FRMD4A: variants seen among roughly 807,000 people sequenced by gnomAD.
The protein encoded by FRMD4A is FERM domain-containing protein 4A.
In FRMD4A, 29 loss-of-function variants were observed where a neutral mutation model predicts 129.1. That is an observed-to-expected ratio of 0.22 (90% CI 0.17 to 0.31). FRMD4A has a LOEUF of 0.31. FRMD4A is among the 10% of genes least tolerant of loss of function. FRMD4A has a pLI of 1.00. For synonymous variants in FRMD4A, 634 were observed against 571.6 expected (o/e 1.11, Z -1.56); for missense variants, 1,272 against 1,375.8 (o/e 0.92, Z 1.19).
chr10:14,193,228 T>C (rs755464739), intron 2 of FRMD4A, among the ~76,000 whole-genome samples: 1 of 152,224 alleles, frequency 6.6e-6, no homozygotes, highest in Non-Finnish European at 1.5e-5. Context: ...TTCTCCCTGA[T>C]AGGTTGCCTC....
intron 2 of FRMD4A, among the ~76,000 whole-genome samples, chr10:13,958,793 C>T (rs760918763): frequency 3.3e-5 from 5 of 151,844 alleles, no homozygotes; most frequent in South Asian, 2.1e-4. Flanking sequence ...CCATGTTGGT[C>T]AGGCTGGTCT....
At chr10:14,176,816 C>G (rs1841746297) in intron 2 of FRMD4A, among the ~76,000 whole-genome samples, 1 of 152,110 alleles carries the variant, frequency 6.6e-6, no homozygotes, top group African/African-American at 2.4e-5. Context: ...TCCCCAGACC[C>G]TTCCTCTATC....
intron 14 of FRMD4A, among the ~76,000 whole-genome samples, chr10:13,700,638 G>A (rs559040275): frequency 2.1e-3 from 321 of 152,210 alleles, no homozygotes; most frequent in Non-Finnish European, 3.9e-3. Context: ...GGGAGACAGG[G>A]CTGGAGGAAG....
chr10:14,257,737 C>T (rs1844666078), intron 2 of FRMD4A, among the ~76,000 whole-genome samples: 1 of 152,124 alleles, frequency 6.6e-6, no homozygotes, highest in South Asian at 2.1e-4. Flanking sequence ...TGCCTGCAAG[C>T]CAAAGCACTG....
chr10:13,654,311 A>G, intron 23 of FRMD4A, 105 bp downstream of exon 23: 1 of 814,590 alleles, frequency 1.2e-6, no homozygotes, highest in Non-Finnish European at 2.2e-6. Flanking sequence ...CCCAGTGATG[A>G]ACCCTCATCA....
intron 16 of FRMD4A, among the ~76,000 whole-genome samples, chr10:13,671,674 G>A (rs1183279604): frequency 6.6e-6 from 1 of 152,202 alleles, no homozygotes; most frequent in African/African-American, 2.4e-5. Flanking sequence ...CTCTCTGTGA[G>A]TGAGTTGTAT....
At chr10:13,710,157 G>A (rs150547088) in intron 12 of FRMD4A, among the ~76,000 whole-genome samples, 1 of 152,242 alleles carries the variant, frequency 6.6e-6, no homozygotes, top group East Asian at 1.9e-4. Context: ...GGCCTGGGAG[G>A]TGGAACCCTC....
chr10:14,152,363 C>T (rs1157097220), intron 2 of FRMD4A, among the ~76,000 whole-genome samples: 5 of 152,034 alleles, frequency 3.3e-5, no homozygotes, highest in Middle Eastern at 3.4e-3. Context: ...CTCCCGACAA[C>T]GTAATCCGCC....
chr10:13,931,955 C>A (rs561392556), intron 2 of FRMD4A, among the ~76,000 whole-genome samples: 4 of 150,302 alleles, frequency 2.7e-5, no homozygotes, highest in Admixed American at 2.6e-4. Flanking sequence ...TCTCAAAAAC[C>A]AACCAACCAA....
At chr10:13,878,413 T>C (rs1429807622) in intron 2 of FRMD4A, among the ~76,000 whole-genome samples, 1 of 152,110 alleles carries the variant, frequency 6.6e-6, no homozygotes, top group South Asian at 2.1e-4. Flanking sequence ...ACCAAACCCT[T>C]TGATAACCAA....
chr10:13,796,656 A>G lies in FRMD4A; in HGVS notation c.207-68T>C, dbSNP rs1202869978. The G allele has an allele frequency of 8.7e-6, 7 of 805,884 alleles. No individual in the cohort carries two copies. The Admixed American group carries it at 8.9e-5, about 10-fold the overall frequency. The allele number at this position is 805,884 out of a possible 1,614,324, so 49.9% of individuals were successfully genotyped here. A position where few individuals can be genotyped will look rare whatever the true frequency, so the allele number is the denominator to read the frequency against. Reference sequence around the variant, plus strand: ...CAGAAGTTTTTTTGGGGTTGAAGGTATATATGAAGCAGAACGTGCTGGATC... The same window carrying G: ...CAGAAGTTTTTTTGGGGTTGAAGGTGTATATGAAGCAGAACGTGCTGGATC... On this transcript the variant is annotated intron_variant, in intron 4 of 24. Transcript: ENST00000357447.
chr10:14,120,433 T>G (rs750470710), intron 2 of FRMD4A, among the ~76,000 whole-genome samples: 65 of 152,168 alleles, frequency 4.3e-4, no homozygotes, highest in Non-Finnish European at 6.9e-4. Flanking sequence ...CCAAGCTTCT[T>G]GGTATTTTAA....
At chr10:14,088,796 A>T (rs1221147705) in intron 2 of FRMD4A, among the ~76,000 whole-genome samples, 2 of 151,410 alleles carry the variant, frequency 1.3e-5, no homozygotes, top group African/African-American at 4.9e-5. Context: ...AAAAAAAAAA[A>T]AAAAAAAAAG....
chr10:14,186,968 A>AC (rs902470695), intron 2 of FRMD4A, among the ~76,000 whole-genome samples: 11 of 151,658 alleles, frequency 7.3e-5, no homozygotes, highest in African/African-American at 2.7e-4. Context: ...AAAAAAAAAA[A>AC]AACATAATTA....
rs188425906 is a variant in FRMD4A at position 13,890,697 on chromosome 10, A to G, written c.46-31785T>C. 1.0e-5 allele frequency: 10 copies of G among 985,114 alleles called. No homozygotes were observed. The African/African-American group carries it at 1.4e-4, about 14-fold the overall frequency. 61.0% of individuals were successfully genotyped at this position (985,114 alleles called of 1,614,324 possible). On this transcript the variant is annotated intron_variant, in intron 2 of 24. Coordinates refer to ENST00000357447, the MANE Select transcript of FRMD4A (RefSeq NM_018027.5). ...AGCAGCGTCTCCACTGGGATGCTCC[A>G]TTCATAGGGGAGCCAGAGCCGCATC... is the stretch of plus-strand genomic sequence containing the variant.
At chr10:13,687,993 G>A (rs188385218) in intron 15 of FRMD4A, among the ~76,000 whole-genome samples, 111 of 152,196 alleles carry the variant, frequency 7.3e-4, no homozygotes, top group South Asian at 1.0e-3. Flanking sequence ...ACAGCTCTGC[G>A]TATCACTACT....
intron 9 of FRMD4A, chr10:13,744,759 G>A (rs982493520): frequency 7.9e-5 from 12 of 152,166 alleles, no homozygotes; most frequent in Non-Finnish European, 1.6e-4. Flanking sequence ...GTGATGAGAC[G>A]GGTAAAAACG....
At chr10:13,820,715 C>T (rs2093617317) in intron 3 of FRMD4A, among the ~76,000 whole-genome samples, 1 of 152,212 alleles carries the variant, frequency 6.6e-6, no homozygotes, top group Admixed American at 6.5e-5. Flanking sequence ...CCAGTGACTG[C>T]TAAGCTGCCA....
chr10:13,681,950 G>A (rs2084630912), intron 15 of FRMD4A, among the ~76,000 whole-genome samples: 1 of 152,166 alleles, frequency 6.6e-6, no homozygotes, highest in African/African-American at 2.4e-5. Context: ...CTGGGGTGGT[G>A]TCTCACACCT....
Sources: gnomAD v4.1 joint callset for allele counts (sites outside exome capture counted in the v4.1 genomes callset) on GRCh38, gnomAD v4.1.1 for gene constraint, MANE v1.5 for transcripts, NCBI Gene and HGNC (gene_info 2026-07-23, HGNC 2026-07-21) for gene names.